Variants in FLT1 observed in about 807,000 individuals in gnomAD.
FLT1 encodes the protein fms related receptor tyrosine kinase 1.
In FLT1, 49 loss-of-function variants were observed where a neutral mutation model predicts 156.3. That is an observed-to-expected ratio of 0.31 (90% confidence interval 0.25 to 0.40). FLT1 has a LOEUF of 0.40. FLT1 is among the 10% of genes least tolerant of loss of function. The probability of loss-of-function intolerance (pLI) is 1.00; values close to 1 mark genes in which losing one functional copy is unlikely to be tolerated. For missense variants in FLT1, 1,322 were observed against 1,637.2 expected, an observed-to-expected ratio of 0.81 and a Z score of 3.32; for synonymous variants, 594 against 583.8, an observed-to-expected ratio of 1.02 and a Z score of -0.25.
chr13:28,324,257 G>C (rs1284993160), intron 20 of FLT1, among the ~76,000 whole-genome samples: 1 of 152,210 alleles, frequency 6.6e-6, no homozygotes, highest in Non-Finnish European at 1.5e-5. Context: ...TGAGGCAGAA[G>C]CAGAGAGGGA....
chr13:28,362,627 T>C (rs1207384416), intron 14 of FLT1, among the ~76,000 whole-genome samples: 1 of 152,090 alleles, frequency 6.6e-6, no homozygotes, highest in East Asian at 1.9e-4. Flanking sequence ...GAGACCAGCC[T>C]GGGCAACATA....
intron 8 of FLT1, among the ~76,000 whole-genome samples, chr13:28,428,354 G>A (rs1004769528): frequency 6.6e-6 from 1 of 151,978 alleles, no homozygotes; most frequent in African/African-American, 2.4e-5. Flanking sequence ...CTTTTCTATT[G>A]TGGTCTCATG....
At chr13:28,377,935 A>G (rs970312655) in intron 14 of FLT1, among the ~76,000 whole-genome samples, 1 of 152,152 alleles carries the variant, frequency 6.6e-6, no homozygotes, top group Non-Finnish European at 1.5e-5. Context: ...AATAATGTTT[A>G]CCTTTATACA....
Position 28,385,015 on chromosome 13 carries a change from G to T in FLT1, c.1986C>A (p.Tyr662Ter). 6.2e-7 allele frequency: 1 copy of T among 1,614,138 alleles called. No homozygotes were observed. The highest frequency in any genetic ancestry group is 8.5e-7 in the Non-Finnish European group (1 of 1,180,028). The change falls in exon 14 of 30, where the codon TAC becomes TAA. Residue 662 changes from tyrosine (Y) to a stop codon, truncating the protein, a stop_gained. Transcript: ENST00000282397. LOFTEE classifies it high-confidence loss of function. ...TGTGATCACTGAGGTTTCGCAGGAG[G>T]TATGGTGCTTCCTGATCTAGTGAAG... Reference protein sequence around the residue: ...EITIRDQEAPYLLRNLSDHTV... With the variant: ...EITIRDQEAP
intron 20 of FLT1, among the ~76,000 whole-genome samples, chr13:28,325,505 C>G (rs1871641460): frequency 6.6e-6 from 1 of 151,980 alleles, no homozygotes; most frequent in Non-Finnish European, 1.5e-5. Flanking sequence ...CACAAAGATC[C>G]CTTTCAGTTT....
intron 14 of FLT1, among the ~76,000 whole-genome samples, chr13:28,376,369 T>C (rs1039857518): frequency 6.6e-6 from 1 of 152,266 alleles, no homozygotes; most frequent in Non-Finnish European, 1.5e-5. Flanking sequence ...GTTCTAATAC[T>C]ACTGCTTTAA....
rs573009718 is a variant in FLT1 at position 28,491,814 on chromosome 13, A to G, written c.64+2966T>C. On this transcript the variant is annotated intron_variant, in intron 1 of 29. Coordinates refer to ENST00000282397, the MANE Select transcript of FLT1 (RefSeq NM_002019.4). ...CAGAAAAGGGCCTTAGAAATCAACCACCTATACTAACGTCTTCATTTTACA... is the reference window on the plus strand; with the variant it reads ...CAGAAAAGGGCCTTAGAAATCAACCGCCTATACTAACGTCTTCATTTTACA... 2.1e-3 allele frequency among the ~76,000 whole-genome samples: 317 copies of G among 152,358 alleles called. 1 individual carries two copies. Among genetic ancestry groups the G allele is most frequent in the African/African-American group, 7.3e-3 (304 of 41,582 alleles).
chr13:28,357,639 G>A lies in FLT1; in HGVS notation c.2163C>T (p.Val721=). The change falls in exon 15 of 30, where the codon GTC becomes GTT. Residue 721 remains valine, a synonymous_variant. Transcript: ENST00000282397. ...GATAGACACCTTCATCCTCTTCTGT[G>A]ACTCTTTCAATAAACAGCGTGCTGC... The part of the protein sequence containing the change: ...PGSSTLFIER[V]TEEDEGVYHC... The A allele has an allele frequency of 6.2e-7, 1 of 1,613,660 alleles. No individual in the cohort carries two copies. Among genetic ancestry groups the A allele is most frequent in the Non-Finnish European group, 8.5e-7 (1 of 1,179,600 alleles).
intron 1 of FLT1, among the ~76,000 whole-genome samples, chr13:28,484,228 T>C (rs1881017457): frequency 6.6e-6 from 1 of 152,172 alleles, no homozygotes; most frequent in South Asian, 2.1e-4. Flanking sequence ...TTCTGTGAGG[T>C]ATTTTAGTTT....
At chr13:28,353,642 C>G (rs1001251849) in intron 15 of FLT1, among the ~76,000 whole-genome samples, 28 of 151,570 alleles carry the variant, frequency 1.8e-4, no homozygotes, top group African/African-American at 6.3e-4. Flanking sequence ...TAAAGCATAG[C>G]TTAAGTCCTT....
intron 14 of FLT1, among the ~76,000 whole-genome samples, chr13:28,366,190 T>C (rs531688195): frequency 6.6e-6 from 1 of 152,322 alleles, no homozygotes; most frequent in East Asian, 1.9e-4. Flanking sequence ...TGAAGGCCAA[T>C]AAAAACATGG....
At position 28,384,906 on chromosome 13, in the gene FLT1, G is replaced by T; in HGVS notation, c.2095C>A (p.His699Asn). The T allele has an allele frequency of 6.2e-7, 1 of 1,614,106 alleles. No individual in the cohort carries two copies. The highest frequency in any genetic ancestry group is 1.3e-5 in the African/African-American group (1 of 75,038). The change falls in exon 14 of 30, where the codon CAC (histidine) becomes AAC (asparagine). Residue 699 changes from histidine (H) to asparagine (N), a missense_variant. Coordinates refer to ENST00000282397, the MANE Select transcript of FLT1 (RefSeq NM_002019.4). Reference sequence around the variant, plus strand: ...TTACCAGGCTCTTGTTGTATTTTGTGGTTGTTTTTAAACCAAGTGATCTGA... The same window carrying T: ...TTACCAGGCTCTTGTTGTATTTTGTTGTTGTTTTTAAACCAAGTGATCTGA... ...EPQITWFKNN[H>N]KIQQEPGIIL...
intron 14 of FLT1, among the ~76,000 whole-genome samples, chr13:28,358,623 T>C (rs1178661187): frequency 2.6e-5 from 4 of 152,192 alleles, no homozygotes; most frequent in African/African-American, 9.7e-5. Context: ...CAGTTCGTGT[T>C]ACAAAACAAA....
chr13:28,320,076 G>C (rs1490499510), intron 23 of FLT1, among the ~76,000 whole-genome samples: 1 of 152,196 alleles, frequency 6.6e-6, no homozygotes, highest in African/African-American at 2.4e-5. Flanking sequence ...CAAACATGTA[G>C]ACAAATCTTC....
Position 28,301,437 on chromosome 13 carries a change from G to A in FLT1, c.*1730C>T, listed in dbSNP as rs147698203. 5.3e-4 allele frequency: 124 copies of A among 233,168 alleles called. No individual in the cohort carries two copies. Among genetic ancestry groups the A allele is most frequent in the Middle Eastern group, 3.8e-3 (3 of 786 alleles). 14.4% of individuals were successfully genotyped at this position (233,168 alleles called of 1,614,324 possible). A position where few individuals can be genotyped will look rare whatever the true frequency, so the allele number is the denominator to read the frequency against. On this transcript the variant is annotated 3_prime_UTR_variant, in exon 30 of 30. Transcript: ENST00000282397. ...CTGCCAGGAGCCAGTAGGCTCACTA[G>A]GGAATGTGCTGATGACGGTCCCATC...
chr13:28,474,445 C>A (rs1880423738), intron 1 of FLT1, among the ~76,000 whole-genome samples: 1 of 147,962 alleles, frequency 6.8e-6, no homozygotes, highest in African/African-American at 2.6e-5. Flanking sequence ...GACAGAAACT[C>A]TGTCTCAAAA....
intron 15 of FLT1, among the ~76,000 whole-genome samples, chr13:28,350,643 A>G (rs1475080256): frequency 6.6e-6 from 1 of 152,046 alleles, no homozygotes; most frequent in East Asian, 1.9e-4. Flanking sequence ...ATATAACCAG[A>G]CAGAGTTTCC....
chr13:28,374,306 G>A (rs556665077), intron 14 of FLT1, among the ~76,000 whole-genome samples: 1 of 152,008 alleles, frequency 6.6e-6, no homozygotes, highest in African/African-American at 2.4e-5. Flanking sequence ...TCCCAGCTAT[G>A]CAGGAGGCTG....
chr13:28,494,263 C>T (rs1881629679), intron 1 of FLT1, among the ~76,000 whole-genome samples: 2 of 152,250 alleles, frequency 1.3e-5, no homozygotes, highest in Admixed American at 6.5e-5. Context: ...CTCCTACACT[C>T]TCGTGACGCG....
Sources: allele counts gnomAD v4.1 joint callset (sites outside exome capture counted in the v4.1 genomes callset), GRCh38; gene constraint gnomAD v4.1.1; transcripts MANE v1.5; gene names NCBI Gene and HGNC (gene_info 2026-07-23, HGNC 2026-07-21).